NR3C2: variants seen among roughly 807,000 people sequenced by gnomAD.
NR3C2 encodes nuclear receptor subfamily 3 group C member 2.
Under a neutral mutation model 86.4 loss-of-function variants are expected in NR3C2, and 15 were observed. The observed-to-expected ratio is 0.17, with a 90% CI of 0.12 to 0.27. The LOEUF is 0.27. Among genes scored for constraint, NR3C2 ranks in the 10% least tolerant of loss-of-function variants. The probability of loss-of-function intolerance (pLI) is 1.00; values close to 1 mark genes in which losing one functional copy is unlikely to be tolerated. For missense variants in NR3C2, 960 were observed against 1,195.6 expected (o/e 0.80, Z 2.91); for synonymous variants, 458 against 450.5 (o/e 1.02, Z -0.21).
intron 3 of NR3C2, among the ~76,000 whole-genome samples, chr4:148,243,028 T>G (rs909013606): frequency 4.0e-5 from 6 of 151,746 alleles, no homozygotes; most frequent in Admixed American, 6.6e-5. Context: ...TTCAGGTTTT[T>G]TTTTTTTTTT....
rs192426059 is a variant in NR3C2 at position 148,085,355 on chromosome 4, A to G, written c.2800-3856T>C. On this transcript the variant is annotated intron_variant, in intron 8 of 8. Transcript: ENST00000358102. ...TTAAGAAACTCACTCAAAACACACA[A>G]CCACATGGAAACCGAAAAACCTGCT... Among the ~76,000 whole-genome samples the G allele has an allele frequency of 4.0e-4, 61 of 152,318 alleles. 1 individual carries two copies. Among genetic ancestry groups the G allele is most frequent in the African/African-American group, 1.2e-3 (48 of 41,578 alleles).
chr4:148,201,911 C>T (rs1375782287), intron 3 of NR3C2, among the ~76,000 whole-genome samples: 1 of 152,134 alleles, frequency 6.6e-6, no homozygotes, highest in Non-Finnish European at 1.5e-5. Context: ...CAAGACACTG[C>T]GGTTCTCAGG....
chr4:148,393,839 T>C (rs1305266408), intron 2 of NR3C2, among the ~76,000 whole-genome samples: 2 of 152,158 alleles, frequency 1.3e-5, no homozygotes, highest in Non-Finnish European at 2.9e-5. Context: ...TATGGAATGG[T>C]GGGGTGGTAG....
intron 4 of NR3C2, among the ~76,000 whole-genome samples, chr4:148,155,556 G>A (rs964968844): frequency 1.3e-5 from 2 of 152,022 alleles, no homozygotes; most frequent in African/African-American, 4.8e-5. Flanking sequence ...CAACTTACAA[G>A]GGATGTGAAG....
intron 3 of NR3C2, among the ~76,000 whole-genome samples, chr4:148,230,837 A>C (rs966317194): frequency 1.3e-5 from 2 of 152,240 alleles, no homozygotes; most frequent in African/African-American, 4.8e-5. Context: ...TTCTAAATCC[A>C]ACAGACCATG....
At chr4:148,316,480 C>G (rs902027372) in intron 2 of NR3C2, among the ~76,000 whole-genome samples, 1 of 152,032 alleles carries the variant, frequency 6.6e-6, no homozygotes, top group East Asian at 1.9e-4. Flanking sequence ...TTCTATAAGG[C>G]ATTAATTACG....
intron 2 of NR3C2, among the ~76,000 whole-genome samples, chr4:148,379,398 C>A (rs189874003): frequency 3.3e-5 from 5 of 152,240 alleles, no homozygotes; most frequent in Non-Finnish European, 7.4e-5. Context: ...ATGGTCAGAG[C>A]AGAACTGCAA....
intron 2 of NR3C2, among the ~76,000 whole-genome samples, chr4:148,376,195 C>G (rs191682254): frequency 2.3e-3 from 323 of 140,984 alleles, no homozygotes; most frequent in African/African-American, 8.0e-3. Flanking sequence ...ACCACAACAA[C>G]TGTTTTTCTC....
rs543335832 is a variant in NR3C2, at chr4:148,079,783, T to A, written c.*1561A>T. 6 of 152,682 alleles carry A rather than the reference T, an allele frequency of 3.9e-5. No homozygotes were observed. In the South Asian group the frequency reaches 1.0e-3, roughly 26 times the overall value. 9.5% of individuals were successfully genotyped at this position (152,682 alleles called of 1,614,324 possible). A position where few individuals can be genotyped will look rare whatever the true frequency, so the allele number is the denominator to read the frequency against. On this transcript the variant is annotated 3_prime_UTR_variant, in exon 9 of 9. Coordinates refer to ENST00000358102, the MANE Select transcript of NR3C2 (RefSeq NM_000901.5). ...AAACTTATTTTTAAAACCTACCTTTTAAAAATCTAAAACCCCTCTATCTCC... is the reference window on the plus strand; with the variant it reads ...AAACTTATTTTTAAAACCTACCTTTAAAAAATCTAAAACCCCTCTATCTCC...
At chr4:148,389,855 A>G (rs1579240267) in intron 2 of NR3C2, among the ~76,000 whole-genome samples, 1 of 152,216 alleles carries the variant, frequency 6.6e-6, no homozygotes, top group Non-Finnish European at 1.5e-5. Flanking sequence ...AAAGGCATAA[A>G]GAGAAACATG....
intron 8 of NR3C2, among the ~76,000 whole-genome samples, chr4:148,104,507 CGCTAACAATTATAAT>C (rs1731705468): frequency 6.6e-6 from 1 of 151,938 alleles, no homozygotes; most frequent in South Asian, 2.1e-4. Flanking sequence ...AGCATAACAC[CGCTAACAATTATAAT>C]AAATAGTTTA....
At chr4:148,174,241 T>C (rs1453563916) in intron 4 of NR3C2, among the ~76,000 whole-genome samples, 1 of 152,224 alleles carries the variant, frequency 6.6e-6, no homozygotes, top group African/African-American at 2.4e-5. Flanking sequence ...CCCTTTGTTC[T>C]GGATCTGTTT....
rs75297062 is a variant in NR3C2 at position 148,126,043 on chromosome 4, C to T, written c.2511-5755G>A. Among the ~76,000 whole-genome samples the T allele has an allele frequency of 3.1e-3, 478 of 152,302 alleles. 1 individual carries two copies. Among genetic ancestry groups the T allele is most frequent in the African/African-American group, 0.01 (432 of 41,572 alleles). On this transcript the variant is annotated intron_variant, in intron 6 of 8. Transcript: ENST00000358102. ...AACACAACACGCATTTCATACTGTG[C>T]GGCTTGAAAAATGTGCTCATATGCA... is the stretch of plus-strand genomic sequence containing the variant.
chr4:148,328,434 A>G (rs1744067545), intron 2 of NR3C2, among the ~76,000 whole-genome samples: 1 of 152,198 alleles, frequency 6.6e-6, no homozygotes, highest in Non-Finnish European at 1.5e-5. Flanking sequence ...GAGAAAAGAT[A>G]CAAAGCCAAA....
At chr4:148,189,539 G>A (rs1400204347) in intron 4 of NR3C2, among the ~76,000 whole-genome samples, 1 of 152,052 alleles carries the variant, frequency 6.6e-6, no homozygotes, top group Non-Finnish European at 1.5e-5. Context: ...TGGTATTAGG[G>A]TGATGAATTA....
chr4:148,167,189 C>T (rs907848400), intron 4 of NR3C2, among the ~76,000 whole-genome samples: 8 of 152,256 alleles, frequency 5.3e-5, no homozygotes, highest in Non-Finnish European at 8.8e-5. Flanking sequence ...AAGGACAAGC[C>T]GCTCCTGGGT....
At chr4:148,118,177 G>C (rs1015764062) in intron 7 of NR3C2, among the ~76,000 whole-genome samples, 1 of 152,178 alleles carries the variant, frequency 6.6e-6, no homozygotes, top group African/African-American at 2.4e-5. Flanking sequence ...CCTGTCCTCT[G>C]TTGTCTCCTC....
chr4:148,247,473 T>G (rs1285877136), intron 3 of NR3C2, among the ~76,000 whole-genome samples: 4 of 152,166 alleles, frequency 2.6e-5, no homozygotes, highest in Non-Finnish European at 5.9e-5. Flanking sequence ...TTGACTTTTG[T>G]GCAATTTGTA....
chr4:148,236,432 G>C (rs1347586057), intron 3 of NR3C2, among the ~76,000 whole-genome samples: 1 of 151,974 alleles, frequency 6.6e-6, no homozygotes, highest in Non-Finnish European at 1.5e-5. Flanking sequence ...TGGGTGAAAA[G>C]ATAACTTTAG....
Sources: gnomAD v4.1 joint callset for allele counts (sites outside exome capture counted in the v4.1 genomes callset) on GRCh38, gnomAD v4.1.1 for gene constraint, MANE v1.5 for transcripts, NCBI Gene and HGNC (gene_info 2026-07-23, HGNC 2026-07-21) for gene names.